BRD4: variants seen among roughly 807,000 people sequenced by gnomAD.
The protein encoded by BRD4 is bromodomain-containing protein 4.
In BRD4, 16 loss-of-function variants were observed where a neutral mutation model predicts 142.1. That is an observed-to-expected ratio of 0.11 (90% confidence interval 0.08 to 0.17). BRD4 has a LOEUF of 0.17. Ranked by LOEUF, BRD4 falls within the 10% of genes least tolerant of loss-of-function variation. The pLI is 1.00. For missense variants in BRD4, 1,424 were observed against 1,810.9 expected (o/e 0.79, Z 3.88); for synonymous variants, 833 against 707.5 (o/e 1.18, Z -2.82).
chr19:15,238,143 G>A lies in BRD4; in HGVS notation c.*234C>T. ...ACTTGCTCGTAACAAGGCGTGTGCT[G>A]AGCGGACGTCCTGTGAGGGGTGGTG... On this transcript the variant is annotated 3_prime_UTR_variant, in exon 20 of 20. Transcript: ENST00000679869. This position sits in a 1 kb window ranked among gnomAD's most constrained non-coding sequence, Gnocchi z 7.2. 1.7e-6 allele frequency: 1 copy of A among 591,302 alleles called. No homozygotes were observed. Among genetic ancestry groups the A allele is most frequent in the South Asian group, 2.0e-5 (1 of 50,004 alleles). The allele number at this position is 591,302 out of a possible 1,614,324, so 36.6% of individuals were successfully genotyped here. A position where few individuals can be genotyped will look rare whatever the true frequency, so the allele number is the denominator to read the frequency against.
intron 1 of BRD4, among the ~76,000 whole-genome samples, chr19:15,281,304 G>C (rs1324527865): frequency 6.6e-6 from 1 of 152,206 alleles, no homozygotes; most frequent in Non-Finnish European, 1.5e-5. Context: ...ACTTGCCTTG[G>C]ATTAGACAAG....
At chr19:15,303,497 G>A (rs548303399) in intron 1 of BRD4, among the ~76,000 whole-genome samples, 1 of 152,308 alleles carries the variant, frequency 6.6e-6, no homozygotes, top group Admixed American at 6.5e-5. Flanking sequence ...ATTCAGAGGA[G>A]AAAAGTAGCC....
At chr19:15,300,188 T>A (rs1027833054) in intron 1 of BRD4, among the ~76,000 whole-genome samples, 4 of 152,032 alleles carry the variant, frequency 2.6e-5, no homozygotes, top group Admixed American at 2.6e-4. Context: ...GAGGCTGCAG[T>A]GAGACGTCAC....
At chr19:15,258,410 A>C (rs1264881352) in intron 7 of BRD4, among the ~76,000 whole-genome samples, 1 of 152,084 alleles carries the variant, frequency 6.6e-6, no homozygotes, top group South Asian at 2.1e-4. Flanking sequence ...CTGTCTCCCA[A>C]GTAGCTGGAA....
chr19:15,261,567 G>C (rs1218871925), intron 7 of BRD4, among the ~76,000 whole-genome samples: 2 of 152,190 alleles, frequency 1.3e-5, no homozygotes, highest in Admixed American at 6.5e-5. Flanking sequence ...TGATGAAGGG[G>C]CAATGTTGTT....
At chr19:15,261,752 G>A (rs1023387699) in intron 7 of BRD4, among the ~76,000 whole-genome samples, 2 of 152,110 alleles carry the variant, frequency 1.3e-5, no homozygotes, top group African/African-American at 4.8e-5. Flanking sequence ...ACCAGCCTGG[G>A]CAATACAGTG....
chr19:15,244,936 T>A, intron 11 of BRD4, 174 bp from the exon 12 acceptor site: 1 of 1,181,818 alleles, frequency 8.5e-7, no homozygotes. Flanking sequence ...GGGAGAGACA[T>A]GCGAGGCATC....
rs1436456283 is a variant in BRD4 at position 15,236,975 on chromosome 19, C to T, written c.*1402G>A. 1 of 199,720 alleles carries T rather than the reference C, an allele frequency of 5.0e-6. No individual in the cohort carries two copies. The highest frequency in any genetic ancestry group is 2.4e-5 in the African/African-American group (1 of 41,996). The allele number at this position is 199,720 out of a possible 1,614,324, so 12.4% of individuals were successfully genotyped here. ...AGCGTCGTGGTGTAGAGTGGGTTCTCATGGCACGCGTAACCTCACCAGGGG... is the reference window on the plus strand; with the variant it reads ...AGCGTCGTGGTGTAGAGTGGGTTCTTATGGCACGCGTAACCTCACCAGGGG... On this transcript the variant is annotated 3_prime_UTR_variant, in exon 20 of 20. Transcript: ENST00000679869.
At chr19:15,277,619 C>CAAAAAAA (rs67961221) in intron 1 of BRD4, among the ~76,000 whole-genome samples, 1 of 96,024 alleles carries the variant, frequency 1.0e-5, no homozygotes, top group African/African-American at 4.1e-5. Context: ...CTATCTCTAC[C>CAAAAAAA]AAAAAAAAAA....
At chr19:15,314,814 G>C (rs1451281012) in intron 1 of BRD4, among the ~76,000 whole-genome samples, 1 of 152,194 alleles carries the variant, frequency 6.6e-6, no homozygotes. Context: ...ACTGCAGAAA[G>C]TCCCCCTGGA....
chr19:15,244,320 G>A lies in BRD4; in HGVS notation c.2492C>T (p.Pro831Leu), dbSNP rs1322882125. 7 of 1,598,542 alleles carry A rather than the reference G, an allele frequency of 4.4e-6. No homozygotes were observed. The highest frequency in any genetic ancestry group is 1.7e-5 in the Admixed American group (1 of 57,458). Residue 831 changes from proline (P) to leucine (L), a missense_variant, in exon 13 of 20, where the codon CCG (proline) becomes CTG (leucine). This residue lies in a region of BRD4 where 598 missense variants were observed against 647.8 expected (regional missense o/e 0.92). Transcript: ENST00000679869. The stretch of plus-strand genomic sequence containing the variant: ...CAGGTGAGGGGGCAGCTCAGGCTGC[G>A]GCAGGTGCAGGATGGGCTGGGTGAA... ...GHFTQPILHL[P>L]QPELPPHLPQ... is the part of the protein sequence containing the mutation.
intron 1 of BRD4, among the ~76,000 whole-genome samples, chr19:15,307,007 T>C (rs1438832642): frequency 6.6e-6 from 1 of 152,064 alleles, no homozygotes; most frequent in Non-Finnish European, 1.5e-5. Context: ...CGCAATTATC[T>C]GCAAAGCACA....
At chr19:15,303,327 T>A (rs2047887499) in intron 1 of BRD4, among the ~76,000 whole-genome samples, 1 of 152,214 alleles carries the variant, frequency 6.6e-6, no homozygotes, top group Non-Finnish European at 1.5e-5. Context: ...TACTAATGCT[T>A]CCTGGAGGAC....
intron 1 of BRD4, among the ~76,000 whole-genome samples, chr19:15,309,821 T>G (rs1301205601): frequency 6.6e-6 from 1 of 152,158 alleles, no homozygotes; most frequent in Non-Finnish European, 1.5e-5. Context: ...TTCCAAGGAC[T>G]GAGGTACTGT....
At chr19:15,248,658 C>T (rs959238971) in intron 11 of BRD4, 18 of 226,998 alleles carry the variant, frequency 7.9e-5, no homozygotes, top group African/African-American at 2.7e-4. Flanking sequence ...TCAGAGTCAG[C>T]GGTGGCTCGA....
chr19:15,272,197 C>T (rs562167588), intron 2 of BRD4, among the ~76,000 whole-genome samples: 4 of 152,188 alleles, frequency 2.6e-5, no homozygotes, highest in South Asian at 2.1e-4. Context: ...AGAAGAGGGG[C>T]GGGCTCACAA....
chr19:15,286,182 C>T (rs1436747295), intron 1 of BRD4, among the ~76,000 whole-genome samples: 1 of 152,174 alleles, frequency 6.6e-6, no homozygotes, highest in Non-Finnish European at 1.5e-5. Flanking sequence ...CCTCAGGTAT[C>T]CAGTAACACA....
At chr19:15,258,590 C>CTT (rs777520477) in intron 7 of BRD4, among the ~76,000 whole-genome samples, 6 of 152,002 alleles carry the variant, frequency 3.9e-5, no homozygotes, top group Non-Finnish European at 7.4e-5. Context: ...GGCCCAATAA[C>CTT]TTTTTTCTTT....
intron 13 of BRD4, 147 bp from the exon 14 acceptor site, chr19:15,243,634 T>C (rs2145513022): frequency 7.5e-7 from 1 of 1,337,004 alleles, no homozygotes. Context: ...TACCGTGGCC[T>C]CCCACAAACT....
Sources: allele counts gnomAD v4.1 joint callset (sites outside exome capture counted in the v4.1 genomes callset), GRCh38; gene constraint gnomAD v4.1.1; regional missense constraint gnomAD v4.1.1; non-coding constraint Gnocchi (gnomAD v3.1); transcripts MANE v1.5; gene names NCBI Gene and HGNC (gene_info 2026-07-23, HGNC 2026-07-21).